The following NAALADL2 variants were observed in gnomAD, a reference collection of about 807,000 sequenced individuals.
NAALADL2 encodes the protein N-acetylated alpha-linked acidic dipeptidase like 2.
A neutral mutation model predicts 87.2 loss-of-function variants in NAALADL2; 76 were observed. The observed-to-expected ratio is 0.87, with a 90% CI of 0.72 to 1.05. NAALADL2 has a LOEUF of 1.05. Among genes scored for constraint, NAALADL2 ranks in the 50% least tolerant of loss-of-function variants. The pLI, the probability that NAALADL2 is intolerant of heterozygous loss-of-function variation, is 0.00. For missense variants in NAALADL2, 1,089 were observed against 945.8 expected (o/e 1.15, Z -1.99); for synonymous variants, 354 against 331.0 (o/e 1.07, Z -0.75).
chr3:175,517,336 C>A (rs1213706058), intron 9 of NAALADL2, among the ~76,000 whole-genome samples: 1 of 152,054 alleles, frequency 6.6e-6, no homozygotes, highest in Non-Finnish European at 1.5e-5. Context: ...CATTAGTTAT[C>A]TTTGAATGGT....
Position 175,722,670 on chromosome 3 carries a change from A to G in NAALADL2, c.1897-14636A>G, listed in dbSNP as rs549241320. Reference sequence around the variant, plus strand: ...TTTATTATAACCTACCAGACTCTTCATAGCCTGGCCTCAATCTGTATCATT... The same window carrying G: ...TTTATTATAACCTACCAGACTCTTCGTAGCCTGGCCTCAATCTGTATCATT... On this transcript the variant is annotated intron_variant, in intron 11 of 13. Coordinates refer to ENST00000454872, the MANE Select transcript of NAALADL2 (RefSeq NM_207015.3). Among the ~76,000 whole-genome samples, 108 of 152,286 alleles carry G rather than the reference A, an allele frequency of 7.1e-4. 1 individual carries two copies. The South Asian group carries it at 9.1e-3, about 13-fold the overall frequency.
chr3:175,568,934 A>G (rs1582439153), intron 9 of NAALADL2, among the ~76,000 whole-genome samples: 1 of 152,370 alleles, frequency 6.6e-6, no homozygotes, highest in East Asian at 1.9e-4. Context: ...ATATAAAAAC[A>G]TGATTTTATT....
chr3:175,687,166 C>T (rs1169078905), intron 11 of NAALADL2, among the ~76,000 whole-genome samples: 1 of 151,984 alleles, frequency 6.6e-6, no homozygotes, highest in African/African-American at 2.4e-5. Context: ...AACTCAATAA[C>T]AAATTATCTG....
intron 3 of NAALADL2, among the ~76,000 whole-genome samples, chr3:174,768,183 A>G (rs1714090687): frequency 6.6e-6 from 1 of 152,110 alleles, no homozygotes; most frequent in Non-Finnish European, 1.5e-5. Context: ...GCTTTCTTTG[A>G]GTTGGAGGAT....
At chr3:175,496,784 T>G (rs1728875142) in intron 9 of NAALADL2, among the ~76,000 whole-genome samples, 1 of 152,036 alleles carries the variant, frequency 6.6e-6, no homozygotes, top group African/African-American at 2.4e-5. Flanking sequence ...GGTCTTGAAC[T>G]CTTGGGCTCA....
At chr3:175,782,601 A>G (rs1751297517) in intron 13 of NAALADL2, among the ~76,000 whole-genome samples, 2 of 144,258 alleles carry the variant, frequency 1.4e-5, no homozygotes, top group African/African-American at 5.6e-5. Flanking sequence ...GATTCTGGAT[A>G]TTAGCCCTTT....
At chr3:175,667,598 C>T (rs1733371446) in intron 11 of NAALADL2, among the ~76,000 whole-genome samples, 1 of 152,090 alleles carries the variant, frequency 6.6e-6, no homozygotes, top group South Asian at 2.1e-4. Context: ...AATATCATAA[C>T]TTTTGTTTAA....
Position 175,016,258 on chromosome 3 carries a change from T to C in NAALADL2, c.44-80532T>C, listed in dbSNP as rs550008544. Among the ~76,000 whole-genome samples the C allele has an allele frequency of 4.7e-5, 6 of 127,782 alleles. No homozygotes were observed. In the South Asian group the frequency reaches 1.1e-3, roughly 23 times the overall value. The allele number at this position is 127,782 out of a possible 152,430, so 83.8% of individuals were successfully genotyped here. A position where few individuals can be genotyped will look rare whatever the true frequency, so the allele number is the denominator to read the frequency against. On this transcript the variant is annotated intron_variant, in intron 1 of 13. Transcript: ENST00000454872. ...ATTTAGGCCTATCTCAGATAAATTA[T>C]TTATATATATATATATATAAAAAAC... is the stretch of plus-strand genomic sequence containing the variant.
chr3:175,481,735 C>T (rs1037249899), intron 9 of NAALADL2, among the ~76,000 whole-genome samples: 11 of 151,714 alleles, frequency 7.3e-5, no homozygotes, highest in African/African-American at 2.7e-4. Flanking sequence ...GTGGTTTACT[C>T]ATATAATGAA....
At chr3:174,746,419 G>A (rs1734256926) in intron 3 of NAALADL2, among the ~76,000 whole-genome samples, 1 of 151,980 alleles carries the variant, frequency 6.6e-6, no homozygotes, top group Non-Finnish European at 1.5e-5. Context: ...CACTGCTCAA[G>A]GAATTAAGAG....
intron 1 of NAALADL2, among the ~76,000 whole-genome samples, chr3:174,890,976 G>T (rs1017268207): frequency 2.3e-4 from 35 of 150,806 alleles, no homozygotes; most frequent in African/African-American, 8.5e-4. Flanking sequence ...TTTTTATTAT[G>T]ATAGGAAACT....
At chr3:175,345,619 G>A (rs1217025350) in intron 5 of NAALADL2, among the ~76,000 whole-genome samples, 1 of 152,120 alleles carries the variant, frequency 6.6e-6, no homozygotes, top group Non-Finnish European at 1.5e-5. Flanking sequence ...CACCTGGCAG[G>A]CACCACTCCA....
At position 175,233,938 on chromosome 3, in the gene NAALADL2, G is replaced by A. The variant is rs74321186; in HGVS notation, c.553G>A (p.Val185Ile). ...EDIKKSFRNL[V>I]QLYKNEDDME... is the part of the protein sequence containing the mutation. Reference sequence around the variant, plus strand: ...TTTTCAAATTTATTTCAGAAATTTGGTACAACTATATAAAAATGAAGATGA... The same window carrying A: ...TTTTCAAATTTATTTCAGAAATTTGATACAACTATATAAAAATGAAGATGA... The change falls in exon 3 of 14, where the codon GTA becomes ATA. Residue 185 changes from valine (V) to isoleucine (I), a missense_variant. Val to Ile is a conservative substitution (Grantham distance 29). Coordinates refer to ENST00000454872, the MANE Select transcript of NAALADL2 (RefSeq NM_207015.3). 16 of 1,565,756 alleles carry A rather than the reference G, an allele frequency of 1.0e-5. No homozygotes were observed. Among genetic ancestry groups the A allele is most frequent in the Non-Finnish European group, 1.2e-5 (14 of 1,145,456 alleles).
chr3:174,744,707 T>G (rs912573237), intron 3 of NAALADL2, among the ~76,000 whole-genome samples: 2 of 152,066 alleles, frequency 1.3e-5, no homozygotes, highest in Admixed American at 6.6e-5. Flanking sequence ...AAGTAAACAC[T>G]CCTCAGCAAA....
rs544280969 is a variant in NAALADL2, at chr3:175,162,103, C to T, written c.545+64812C>T. ...GCTGTTGAAGGCCTTATATTAATTACAAGGTCATAATCTTCAAACAGATTT... is the reference window on the plus strand; with the variant it reads ...GCTGTTGAAGGCCTTATATTAATTATAAGGTCATAATCTTCAAACAGATTT... On this transcript the variant is annotated intron_variant, in intron 2 of 13. Transcript: ENST00000454872. Among the ~76,000 whole-genome samples the T allele has an allele frequency of 8.5e-4, 130 of 152,244 alleles. 1 individual carries two copies. Among genetic ancestry groups the T allele is most frequent in the Non-Finnish European group, 1.3e-3 (90 of 68,016 alleles).
At chr3:174,957,361 T>A (rs1741301575) in intron 1 of NAALADL2, among the ~76,000 whole-genome samples, 2 of 152,048 alleles carry the variant, frequency 1.3e-5, no homozygotes, top group Admixed American at 6.6e-5. Context: ...TGCAGGCTAG[T>A]TAGCCTAGGC....
chr3:175,354,828 C>A (rs981165809), intron 5 of NAALADL2, among the ~76,000 whole-genome samples: 6 of 150,908 alleles, frequency 4.0e-5, no homozygotes, highest in Non-Finnish European at 8.9e-5. Flanking sequence ...GCATATATTA[C>A]TCTTGTTTGC....
intron 2 of NAALADL2, among the ~76,000 whole-genome samples, chr3:175,172,559 T>C (rs1350456916): frequency 6.6e-6 from 1 of 152,132 alleles, no homozygotes; most frequent in Non-Finnish European, 1.5e-5. Flanking sequence ...ATGTCCAGCA[T>C]TTTGTAAAGA....
chr3:174,994,031 A>G (rs1184191607), intron 1 of NAALADL2, among the ~76,000 whole-genome samples: 2 of 152,210 alleles, frequency 1.3e-5, no homozygotes, highest in African/African-American at 4.8e-5. Context: ...CTACTGCACT[A>G]TGACCTCATC....
Sources: allele counts gnomAD v4.1 joint callset (sites outside exome capture counted in the v4.1 genomes callset), GRCh38; gene constraint gnomAD v4.1.1; transcripts MANE v1.5; gene names NCBI Gene and HGNC (gene_info 2026-07-23, HGNC 2026-07-21).